The following CFAP92 variants were observed in gnomAD, a reference collection of about 807,000 sequenced individuals.
CFAP92 encodes cilia and flagella associated protein 92 (putative), also known as uncharacterized protein CFAP92.
A neutral mutation model predicts 106.3 loss-of-function variants in CFAP92; 86 were observed. The observed-to-expected ratio is 0.81, with a 90% CI of 0.68 to 0.97. CFAP92 has a LOEUF of 0.97. Ranked by LOEUF, CFAP92 falls within the 50% of genes least tolerant of loss-of-function variation. The pLI is 0.00. For missense variants in CFAP92, 1,204 were observed against 1,283.8 expected (o/e 0.94, Z 0.95); for synonymous variants, 477 against 506.4 (o/e 0.94, Z 0.78).
chr3:128,931,965 C>A (rs954992929), intron 12 of CFAP92, among the ~76,000 whole-genome samples: 5 of 152,132 alleles, frequency 3.3e-5, no homozygotes, highest in African/African-American at 7.2e-5. Context: ...CTGCAGTGAC[C>A]CATGATCAAG....
rs886643193 is a variant in CFAP92 at position 128,933,911 on chromosome 3, T to C, written c.2454-914A>G. On this transcript the variant is annotated intron_variant, in intron 11 of 15. Coordinates refer to ENST00000645291, the MANE Select transcript of CFAP92 (RefSeq NM_001394090.1). ...ATCTCTCCAGCCTCCTCCTCCTCCT[T>C]CATTAATACATCCAGCAAGCACTAG... Among the ~76,000 whole-genome samples the C allele has an allele frequency of 4.6e-5, 7 of 151,890 alleles. 1 individual carries two copies. In the South Asian group the frequency reaches 8.4e-4, roughly 18 times the overall value.
Position 128,910,773 on chromosome 3 carries a change from T to C in CFAP92, c.3281-440A>G, listed in dbSNP as rs767137316. The C allele has an allele frequency of 3.1e-6, 5 of 1,614,208 alleles. No individual in the cohort carries two copies. The highest frequency in any genetic ancestry group is 4.2e-6 in the Non-Finnish European group (5 of 1,180,044). The stretch of plus-strand genomic sequence containing the variant: ...TGGCCAACACCTTCTGCGTGGAAGC[T>C]TACTTGCAGAATCTCTTCAGCCTCT... On this transcript the variant is annotated intron_variant, in intron 15 of 15. Transcript: ENST00000645291.
At chr3:128,970,678 T>C (rs1217178203) in intron 8 of CFAP92, 1 of 152,502 alleles carries the variant, frequency 6.6e-6, no homozygotes, top group Non-Finnish European at 1.5e-5. Context: ...TGGTAGATCT[T>C]ATAAAGCAAA....
intron 12 of CFAP92, among the ~76,000 whole-genome samples, chr3:128,927,529 G>A (rs1937808132): frequency 6.6e-6 from 1 of 151,956 alleles, no homozygotes; most frequent in African/African-American, 2.4e-5. Flanking sequence ...AGACCATCCT[G>A]GCTAACATGG....
chr3:128,993,234 A>G lies in CFAP92; in HGVS notation c.71T>C (p.Phe24Ser). The stretch of plus-strand genomic sequence containing the variant: ...GTCACACTCGCTCGTGGACTGGTAA[A>G]AGCTAGTGATGGAGGAGATGGGCTC... ...SIEPISSITS[F>S]YQSTSECDVE... The change falls in exon 2 of 16, where the codon TTT (phenylalanine) becomes TCT (serine). Residue 24 changes from phenylalanine (F) to serine (S), a missense_variant. Phe to Ser is a radical substitution (Grantham distance 155). Transcript: ENST00000645291. The G allele has an allele frequency of 6.2e-7, 1 of 1,613,980 alleles. No homozygotes were observed. The highest frequency in any genetic ancestry group is 1.1e-5 in the South Asian group (1 of 91,092).
At chr3:129,018,281 G>T in the CFAP92 span, among the ~76,000 whole-genome samples, 1 of 152,294 alleles carries the variant, frequency 6.6e-6, no homozygotes, top group African/African-American at 2.4e-5. Context: ...TCCGGGGTTA[G>T]CAAACTACAG....
At chr3:128,998,211 A>G (rs1369407822), upstream of CFAP92, among the ~76,000 whole-genome samples, 6 of 152,300 alleles carry the variant, frequency 3.9e-5, no homozygotes, top group East Asian at 9.6e-4. Flanking sequence ...TTTACTGGGC[A>G]TATGTTTTAC....
chr3:128,920,730 C>T (rs1034731918), intron 12 of CFAP92, among the ~76,000 whole-genome samples: 8 of 152,176 alleles, frequency 5.3e-5, no homozygotes, highest in Non-Finnish European at 8.8e-5. Flanking sequence ...GCTGCCCTGC[C>T]GCACTACAAT....
intron 8 of CFAP92, chr3:128,969,859 C>T (rs924686762): frequency 3.3e-5 from 5 of 152,256 alleles, no homozygotes; most frequent in African/African-American, 1.2e-4. Context: ...AAAGTTTACT[C>T]TCTGTCACTG....
rs111283437 is a variant in CFAP92, at chr3:128,946,170, G to A, written c.1354-195C>T. The stretch of plus-strand genomic sequence containing the variant: ...GACTGCAGACATCATGCATGTGAAC[G>A]CACCAGGATGGCGACTGGCATGAAA... On this transcript the variant is annotated intron_variant, in intron 9 of 15. Coordinates refer to ENST00000645291, the MANE Select transcript of CFAP92 (RefSeq NM_001394090.1). Among the ~76,000 whole-genome samples, 928 of 152,246 alleles carry A rather than the reference G, an allele frequency of 6.1e-3. 10 individuals carry two copies. The highest frequency in any genetic ancestry group is 0.021 in the African/African-American group (877 of 41,510).
intron 12 of CFAP92, among the ~76,000 whole-genome samples, chr3:128,921,209 A>G (rs139472470): frequency 1.3e-5 from 2 of 152,258 alleles, no homozygotes; most frequent in East Asian, 1.9e-4. Context: ...CTGGCGCCCA[A>G]TATGAGGCAA....
At chr3:128,932,666 T>G in intron 12 of CFAP92, 34 bp downstream of exon 12, 1 of 1,513,856 alleles carries the variant, frequency 6.6e-7, no homozygotes, top group Non-Finnish European at 8.8e-7. Flanking sequence ...AGGTGAGGCC[T>G]GGGAACCCCA....
At chr3:128,926,423 G>T (rs981752495) in intron 12 of CFAP92, among the ~76,000 whole-genome samples, 4 of 152,186 alleles carry the variant, frequency 2.6e-5, no homozygotes, top group Non-Finnish European at 4.4e-5. Flanking sequence ...CTGAAGCAGG[G>T]AGAACTGCTT....
At chr3:128,910,809 C>G in intron 15 of CFAP92, 3 of 1,614,184 alleles carry the variant, frequency 1.9e-6, no homozygotes, top group Non-Finnish European at 2.5e-6. Flanking sequence ...CTCAGCTGGA[C>G]AAGTGTGAGT....
chr3:128,985,801 G>A (rs1013267026), intron 4 of CFAP92, among the ~76,000 whole-genome samples: 16 of 152,340 alleles, frequency 1.1e-4, no homozygotes, highest in African/African-American at 3.4e-4. Context: ...CACACTGGAA[G>A]CCTACGACTT....
chr3:128,999,444 C>T (rs1944604350), intron 1 of CFAP92, among the ~76,000 whole-genome samples: 2 of 151,910 alleles, frequency 1.3e-5, no homozygotes, highest in South Asian at 2.1e-4. Context: ...GATTCCTTCA[C>T]CAGCTGCAGG....
At chr3:128,988,629 A>C in intron 3 of CFAP92, 99 bp downstream of exon 3, 1 of 1,235,044 alleles carries the variant, frequency 8.1e-7, no homozygotes, top group South Asian at 1.4e-5. Flanking sequence ...CAATTCTAGC[A>C]AGCTGGAGGT....
the CFAP92 span, among the ~76,000 whole-genome samples, chr3:129,025,051 A>G: frequency 6.6e-6 from 1 of 152,144 alleles, no homozygotes; most frequent in Non-Finnish European, 1.5e-5. Flanking sequence ...TCCAGGTGGC[A>G]TGAGAGGCTG....
intron 12 of CFAP92, among the ~76,000 whole-genome samples, chr3:128,923,704 C>T (rs113067657): frequency 2.0e-5 from 3 of 152,222 alleles, no homozygotes; most frequent in Non-Finnish European, 4.4e-5. Flanking sequence ...AATTGCCTTG[C>T]TCAATTAATT....
Sources: gnomAD v4.1 joint callset for allele counts (sites outside exome capture counted in the v4.1 genomes callset) on GRCh38, gnomAD v4.1.1 for gene constraint, MANE v1.5 for transcripts, NCBI Gene and HGNC (gene_info 2026-07-23, HGNC 2026-07-21) for gene names.